SEMA5A: variants seen among roughly 807,000 people sequenced by gnomAD.
The protein encoded by SEMA5A is semaphorin-5A.
Under a neutral mutation model 135.5 loss-of-function variants are expected in SEMA5A, and 55 were observed. That is an observed-to-expected ratio of 0.41 (90% confidence interval 0.33 to 0.51). The LOEUF (loss-of-function observed/expected upper bound fraction) is 0.51, where lower values mean the gene tolerates loss of function less well. SEMA5A is among the 20% of genes least tolerant of loss of function. The pLI is 0.37. For synonymous variants in SEMA5A, 580 were observed against 546.5 expected (o/e 1.06, Z -0.85); for missense variants, 1,290 against 1,419.9 (o/e 0.91, Z 1.47).
At chr5:9,323,066 T>C (rs1241699269) in intron 4 of SEMA5A, among the ~76,000 whole-genome samples, 1 of 152,244 alleles carries the variant, frequency 6.6e-6, no homozygotes, top group Non-Finnish European at 1.5e-5. Context: ...TCTGGCTGTT[T>C]AAATGGCACC....
intron 15 of SEMA5A, among the ~76,000 whole-genome samples, chr5:9,112,239 T>C (rs1161865034): frequency 2.0e-5 from 3 of 152,236 alleles, no homozygotes; most frequent in African/African-American, 7.2e-5. Context: ...ATCCACTTTT[T>C]TTCACAAATC....
At chr5:9,539,697 T>C (rs1737972107) in intron 1 of SEMA5A, among the ~76,000 whole-genome samples, 1 of 152,224 alleles carries the variant, frequency 6.6e-6, no homozygotes, top group South Asian at 2.1e-4. Flanking sequence ...TATTAGCATT[T>C]TTAGGGTCAT....
chr5:9,348,492 G>A (rs1753974385), intron 3 of SEMA5A, among the ~76,000 whole-genome samples: 3 of 151,988 alleles, frequency 2.0e-5, no homozygotes, highest in Admixed American at 1.3e-4. Context: ...TCAACTTTAC[G>A]TGGCTTCAAA....
chr5:9,462,923 CG>C (rs1417051532), intron 1 of SEMA5A, among the ~76,000 whole-genome samples: 5 of 151,106 alleles, frequency 3.3e-5, no homozygotes, highest in African/African-American at 1.2e-4. Flanking sequence ...AATGAACCCC[CG>C]TGACATAAGT....
intron 5 of SEMA5A, among the ~76,000 whole-genome samples, chr5:9,276,132 T>C (rs1010814525): frequency 6.6e-6 from 1 of 152,186 alleles, no homozygotes; most frequent in Non-Finnish European, 1.5e-5. Context: ...ACAAAATCAA[T>C]GTGCAAAAAT....
At chr5:9,514,525 A>G (rs183652389) in intron 1 of SEMA5A, among the ~76,000 whole-genome samples, 1 of 152,328 alleles carries the variant, frequency 6.6e-6, no homozygotes, top group African/African-American at 2.4e-5. Flanking sequence ...TGTCCCTGAT[A>G]TGTAATAGTG....
chr5:9,038,801 T>C lies in SEMA5A; in HGVS notation c.*4096A>G, dbSNP rs963892873. On this transcript the variant is annotated 3_prime_UTR_variant, in exon 23 of 23. Transcript: ENST00000382496. ...TGGAGTGCAGTGATGTGATCTCAGC[T>C]CACTGCAACCTCAACCTCCTGGCTC... 1 of 150,516 alleles carries C rather than the reference T, an allele frequency of 6.6e-6. No individual in the cohort carries two copies. The highest frequency in any genetic ancestry group is 2.4e-5 in the African/African-American group (1 of 40,834). The allele number at this position is 150,516 out of a possible 1,614,324, so 9.3% of individuals were successfully genotyped here.
intron 11 of SEMA5A, among the ~76,000 whole-genome samples, chr5:9,156,838 A>G (rs1742982197): frequency 6.6e-6 from 1 of 152,254 alleles, no homozygotes; most frequent in Non-Finnish European, 1.5e-5. Flanking sequence ...CAAATTAACA[A>G]CAGTCCAAAT....
chr5:9,313,966 T>C (rs1371375823), intron 5 of SEMA5A, among the ~76,000 whole-genome samples: 1 of 152,208 alleles, frequency 6.6e-6, no homozygotes, highest in Non-Finnish European at 1.5e-5. Flanking sequence ...TGAACCTCTG[T>C]CCTGCATAGG....
chr5:9,178,573 G>A (rs910731702), intron 11 of SEMA5A, among the ~76,000 whole-genome samples: 4 of 151,846 alleles, frequency 2.6e-5, no homozygotes, highest in South Asian at 2.1e-4. Context: ...CTCATGATCC[G>A]CCTGCCTCGG....
intron 5 of SEMA5A, among the ~76,000 whole-genome samples, chr5:9,277,735 T>A (rs533689108): frequency 2.0e-5 from 3 of 152,016 alleles, no homozygotes; most frequent in African/African-American, 7.3e-5. Context: ...AAACACCACA[T>A]GTTCTCACTC....
At chr5:9,207,393 T>A (rs1746092262) in intron 8 of SEMA5A, among the ~76,000 whole-genome samples, 1 of 151,954 alleles carries the variant, frequency 6.6e-6, no homozygotes, top group Non-Finnish European at 1.5e-5. Context: ...CCATGTTGGT[T>A]AGACTGGTCT....
intron 11 of SEMA5A, among the ~76,000 whole-genome samples, chr5:9,162,460 GT>G (rs1743318615): frequency 1.3e-5 from 1 of 79,028 alleles, no homozygotes. Flanking sequence ...ATATATATGT[GT>G]GTGTATATAT....
At chr5:9,437,533 T>C in intron 2 of SEMA5A, among the ~76,000 whole-genome samples, 1 of 152,026 alleles carries the variant, frequency 6.6e-6, no homozygotes, top group Non-Finnish European at 1.5e-5. Context: ...ATTTTTGTAT[T>C]TTTAGTAGAG....
chr5:9,227,986 T>A (rs1747412000), intron 6 of SEMA5A, among the ~76,000 whole-genome samples: 1 of 152,168 alleles, frequency 6.6e-6, no homozygotes, highest in African/African-American at 2.4e-5. Flanking sequence ...TGCAAAGTGT[T>A]CTTAGAAAAC....
intron 8 of SEMA5A, among the ~76,000 whole-genome samples, chr5:9,214,205 G>A (rs1011000496): frequency 2.6e-5 from 4 of 152,164 alleles, no homozygotes; most frequent in East Asian, 1.9e-4. Flanking sequence ...GCATGCATGC[G>A]GGAAAAATAG....
chr5:9,178,562 C>T (rs373398998), intron 11 of SEMA5A, among the ~76,000 whole-genome samples: 61 of 152,236 alleles, frequency 4.0e-4, no homozygotes, highest in African/African-American at 1.4e-3. Flanking sequence ...CAACTCCTGA[C>T]CTCATGATCC....
intron 6 of SEMA5A, among the ~76,000 whole-genome samples, chr5:9,229,639 G>T (rs1344911689): frequency 6.6e-6 from 1 of 151,688 alleles, no homozygotes; most frequent in African/African-American, 2.4e-5. Flanking sequence ...ATTACAAACA[G>T]AATAGAAGGG....
In SEMA5A at chr5:9,035,308, A is replaced by G. The variant is rs905711764; in HGVS notation, c.*7589T>C. 4 of 152,326 alleles carry G rather than the reference A, an allele frequency of 2.6e-5. No homozygotes were observed. Among genetic ancestry groups the G allele is most frequent in the South Asian group, 2.1e-4 (1 of 4,820 alleles). 9.4% of individuals were successfully genotyped at this position (152,326 alleles called of 1,614,324 possible). ...AGATACAGAAACTGTCAATGCACCA[A>G]GAGCAGTAAGAGAGCACAACATATT... On this transcript the variant is annotated 3_prime_UTR_variant, in exon 23 of 23. Transcript: ENST00000382496.
Sources: allele counts gnomAD v4.1 joint callset (sites outside exome capture counted in the v4.1 genomes callset), GRCh38; gene constraint gnomAD v4.1.1; transcripts MANE v1.5; gene names NCBI Gene and HGNC (gene_info 2026-07-23, HGNC 2026-07-21).